The following SLC41A2 variants were observed in gnomAD, a reference collection of about 807,000 sequenced individuals.
SLC41A2 encodes the protein solute carrier family 41 member 2, also known as SLC41A1-like 1.
Under a neutral mutation model 58.3 loss-of-function variants are expected in SLC41A2, and 32 were observed. The ratio of observed to expected loss-of-function variants is 0.55; its 90% confidence interval spans 0.41 to 0.74. The LOEUF (loss-of-function observed/expected upper bound fraction) is 0.74. Ranked by LOEUF, SLC41A2 falls within the 30% of genes least tolerant of loss-of-function variation. SLC41A2 has a pLI of 0.00. For synonymous variants in SLC41A2, 190 were observed against 235.0 expected (o/e 0.81, Z 1.75); for missense variants, 514 against 680.6 (o/e 0.76, Z 2.72).
At chr12:104,890,026 T>A (rs2044873198) in intron 4 of SLC41A2, among the ~76,000 whole-genome samples, 1 of 152,152 alleles carries the variant, frequency 6.6e-6, no homozygotes, top group Non-Finnish European at 1.5e-5. Context: ...GCTGAGTTTG[T>A]GTCATGGACT....
At chr12:104,854,875 GC>G (rs1399832429) in intron 8 of SLC41A2, among the ~76,000 whole-genome samples, 3 of 152,108 alleles carry the variant, frequency 2.0e-5, no homozygotes, top group Non-Finnish European at 4.4e-5. Context: ...CTATCCCCTA[GC>G]CCGTATCTGT....
intron 1 of SLC41A2, among the ~76,000 whole-genome samples, chr12:104,951,864 C>A: frequency 6.6e-6 from 1 of 151,378 alleles, no homozygotes; most frequent in Non-Finnish European, 1.5e-5. Context: ...TGTCCTTAGC[C>A]ATTTTTCTAA....
At chr12:104,915,446 G>A (rs865994312) in intron 2 of SLC41A2, among the ~76,000 whole-genome samples, 2 of 152,144 alleles carry the variant, frequency 1.3e-5, no homozygotes, top group Admixed American at 6.6e-5. Flanking sequence ...TTATTTCATT[G>A]AGCAGTGGTG....
At chr12:104,826,595 C>A (rs954313056) in intron 10 of SLC41A2, among the ~76,000 whole-genome samples, 3 of 152,164 alleles carry the variant, frequency 2.0e-5, no homozygotes, top group African/African-American at 4.8e-5. Flanking sequence ...TCCCTTACCC[C>A]CTCCTAGAAA....
rs2040835072 is a variant in SLC41A2, at chr12:104,804,865, C to T, written c.*287G>A. ...CTATGTTTGTGGTTTTAAAATTATT[C>T]ACTGTAAACATCCTATATTCTTTCC... On this transcript the variant is annotated 3_prime_UTR_variant, in exon 11 of 11. Transcript: ENST00000258538. 2 of 200,106 alleles carry T rather than the reference C, an allele frequency of 1.0e-5. No homozygotes were observed. Among genetic ancestry groups the T allele is most frequent in the East Asian group, 1.2e-4 (1 of 8,564 alleles). 12.4% of individuals were successfully genotyped at this position (200,106 alleles called of 1,614,324 possible). A position where few individuals can be genotyped will look rare whatever the true frequency, so the allele number is the denominator to read the frequency against.
intron 1 of SLC41A2, among the ~76,000 whole-genome samples, chr12:104,945,353 A>T (rs963713985): frequency 6.6e-6 from 1 of 151,622 alleles, no homozygotes; most frequent in Non-Finnish European, 1.5e-5. Flanking sequence ...ACAAAAAATT[A>T]GCCGGGCGTG....
chr12:104,861,072 T>A (rs998035759), intron 8 of SLC41A2, among the ~76,000 whole-genome samples: 5 of 152,206 alleles, frequency 3.3e-5, no homozygotes, highest in African/African-American at 1.2e-4. Flanking sequence ...TAGTAGTTCA[T>A]GATAAGATTA....
intron 10 of SLC41A2, among the ~76,000 whole-genome samples, chr12:104,838,015 G>A (rs1310231257): frequency 1.3e-5 from 2 of 152,134 alleles, no homozygotes; most frequent in Admixed American, 6.5e-5. Context: ...TTTGCCCTTC[G>A]TATGTGATGT....
At chr12:104,903,133 A>C (rs552498065) in intron 3 of SLC41A2, among the ~76,000 whole-genome samples, 6 of 151,954 alleles carry the variant, frequency 3.9e-5, no homozygotes, top group African/African-American at 1.4e-4. Context: ...TTAATTCTGG[A>C]CTCCAACCAC....
intron 10 of SLC41A2, among the ~76,000 whole-genome samples, chr12:104,806,443 T>C (rs1641925464): frequency 6.6e-6 from 1 of 152,246 alleles, no homozygotes; most frequent in African/African-American, 2.4e-5. Context: ...ATGTGCCACA[T>C]TTTCTTAATC....
At chr12:104,907,097 T>G (rs1040686186) in intron 3 of SLC41A2, among the ~76,000 whole-genome samples, 4 of 152,212 alleles carry the variant, frequency 2.6e-5, no homozygotes, top group African/African-American at 9.6e-5. Flanking sequence ...GATTCTTATT[T>G]TTTTCCATGG....
intron 3 of SLC41A2, among the ~76,000 whole-genome samples, chr12:104,895,571 C>A (rs547262034): frequency 1.3e-5 from 2 of 152,238 alleles, no homozygotes; most frequent in East Asian, 3.9e-4. Flanking sequence ...ACCTGTCTTA[C>A]AAGAACTAGT....
intron 1 of SLC41A2, among the ~76,000 whole-genome samples, chr12:104,935,428 G>A (rs746482532): frequency 1.2e-4 from 18 of 151,932 alleles, no homozygotes; most frequent in East Asian, 9.6e-4. Flanking sequence ...TTTCTATAAC[G>A]TATACGTAGA....
Position 104,878,296 on chromosome 12 carries a change from A to ATT in SLC41A2, c.1027+7995_1027+7996dup, listed in dbSNP as rs1344836916. 5.7e-5 allele frequency among the ~76,000 whole-genome samples: 4 copies of ATT among 69,576 alleles called. No homozygotes were observed. In the East Asian group the frequency reaches 1.5e-3, roughly 26 times the overall value. The allele number at this position is 69,576 out of a possible 152,430, so 45.6% of individuals were successfully genotyped here. On this transcript the variant is annotated intron_variant, in intron 6 of 10. Transcript: ENST00000258538. Reference sequence around the variant, plus strand: ...CCAAATCTGCAAATAATATACCTGTATTTTATATATATATATATATATATA... The same window carrying ATT: ...CCAAATCTGCAAATAATATACCTGTATTTTTTATATATATATATATATATATA...
intron 2 of SLC41A2, among the ~76,000 whole-genome samples, chr12:104,925,322 G>T (rs1444464967): frequency 6.6e-6 from 1 of 152,206 alleles, no homozygotes; most frequent in East Asian, 1.9e-4. Context: ...ACTTTGGGAG[G>T]CCGAGACAGG....
At chr12:104,824,133 C>T (rs11112204) in intron 10 of SLC41A2, among the ~76,000 whole-genome samples, 9,646 of 152,172 alleles carry the variant, frequency 0.063, 422 homozygotes, top group Middle Eastern at 0.1. Flanking sequence ...AGGGCTCCAC[C>T]CCCGGGCCTG....
Position 104,802,322 on chromosome 12 carries a change from A to T in SLC41A2, c.*2830T>A, listed in dbSNP as rs1278447379. Among the ~76,000 whole-genome samples the T allele has an allele frequency of 1.3e-5, 2 of 152,240 alleles. No homozygotes were observed. The highest frequency in any genetic ancestry group is 6.5e-5 in the Admixed American group (1 of 15,278). ...ATAAAAAGAAATACAGTGAATTCAC[A>T]TTACTTAAGACTGATAATAGATTAT... On this transcript the variant is annotated 3_prime_UTR_variant, in exon 11 of 11. Transcript: ENST00000258538.
At chr12:104,829,947 TATGGC>T (rs1283556360) in intron 10 of SLC41A2, among the ~76,000 whole-genome samples, 2 of 152,212 alleles carry the variant, frequency 1.3e-5, no homozygotes, top group African/African-American at 2.4e-5. Context: ...TTTGCACTAT[TATGGC>T]AGAGTTGAGT....
intron 10 of SLC41A2, among the ~76,000 whole-genome samples, chr12:104,831,435 C>G (rs921566316): frequency 8.5e-5 from 13 of 152,070 alleles, no homozygotes; most frequent in African/African-American, 3.1e-4. Context: ...CAGTCATGCT[C>G]CAAATAATGA....
Sources: gnomAD v4.1 joint callset for allele counts (sites outside exome capture counted in the v4.1 genomes callset) on GRCh38, gnomAD v4.1.1 for gene constraint, MANE v1.5 for transcripts, NCBI Gene and HGNC (gene_info 2026-07-23, HGNC 2026-07-21) for gene names.